The following SUPT3H variants were observed in gnomAD, a reference collection of about 807,000 sequenced individuals.
SUPT3H encodes the protein SPT3 homolog, SAGA and STAGA complex component.
In SUPT3H, 44 loss-of-function variants were observed where a neutral mutation model predicts 44.3. The ratio of observed to expected loss-of-function variants is 0.99; its 90% CI spans 0.78 to 1.28. SUPT3H has a LOEUF of 1.28. SUPT3H is among the 50% of genes most tolerant of loss of function. The pLI, the probability that SUPT3H is intolerant of heterozygous loss-of-function variation, is 0.00. For missense variants in SUPT3H, 380 were observed against 387.1 expected, an observed-to-expected ratio of 0.98 and a Z score of 0.15; for synonymous variants, 124 against 125.6, an observed-to-expected ratio of 0.99 and a Z score of 0.09.
downstream of SUPT3H, among the ~76,000 whole-genome samples, chr6:44,825,797 C>CCTAT (rs371810053): frequency 4.7e-4 from 71 of 151,904 alleles, no homozygotes; most frequent in African/African-American, 1.6e-3. Flanking sequence ...TTCTTTTTTT[C>CCTAT]CTATCTATCT....
At chr6:44,892,319 C>T (rs1012148877) in intron 10 of SUPT3H, among the ~76,000 whole-genome samples, 4 of 152,050 alleles carry the variant, frequency 2.6e-5, no homozygotes, top group African/African-American at 9.7e-5. Flanking sequence ...AGAGGGATCT[C>T]TCTCTCCACA....
At chr6:44,893,618 T>A (rs904360684) in intron 10 of SUPT3H, among the ~76,000 whole-genome samples, 3 of 152,010 alleles carry the variant, frequency 2.0e-5, no homozygotes, top group Non-Finnish European at 2.9e-5. Flanking sequence ...ATCCAGTCTA[T>A]CATTGTTGGA....
At chr6:44,987,061 A>C (rs71566510) in intron 6 of SUPT3H, among the ~76,000 whole-genome samples, 16 of 152,058 alleles carry the variant, frequency 1.1e-4, no homozygotes, top group Admixed American at 5.2e-4. Flanking sequence ...GTGCCAGCAC[A>C]CTCTGGTTCT....
chr6:45,109,884 T>G (rs1799798991), intron 2 of SUPT3H, among the ~76,000 whole-genome samples: 1 of 152,226 alleles, frequency 6.6e-6, no homozygotes, highest in African/African-American at 2.4e-5. Flanking sequence ...ATGTCTTGAC[T>G]GACTTATCCT....
At chr6:44,856,955 C>T (rs997635165) in intron 10 of SUPT3H, among the ~76,000 whole-genome samples, 8 of 152,160 alleles carry the variant, frequency 5.3e-5, no homozygotes, top group African/African-American at 1.4e-4. Flanking sequence ...TCGGTATTCA[C>T]GAGTATAGAA....
intron 2 of SUPT3H, among the ~76,000 whole-genome samples, chr6:45,248,206 A>C (rs6912047): frequency 0.12 from 18,184 of 149,024 alleles, 1,280 homozygotes; most frequent in African/African-American, 0.19. Context: ...ATATAATACC[A>C]AAACCATGAT....
At chr6:44,842,925 C>A (rs1771228118) in intron 10 of SUPT3H, among the ~76,000 whole-genome samples, 1 of 151,956 alleles carries the variant, frequency 6.6e-6, no homozygotes, top group South Asian at 2.1e-4. Flanking sequence ...CCCACGTCTA[C>A]TGACTTTTGA....
At chr6:45,160,277 C>T (rs1264056307) in intron 2 of SUPT3H, among the ~76,000 whole-genome samples, 1 of 152,032 alleles carries the variant, frequency 6.6e-6, no homozygotes, top group Non-Finnish European at 1.5e-5. Flanking sequence ...GTTAAAGTTT[C>T]TGGAATATTA....
chr6:45,140,810 G>A (rs573900695), intron 2 of SUPT3H, among the ~76,000 whole-genome samples: 10 of 152,174 alleles, frequency 6.6e-5, no homozygotes, highest in South Asian at 2.1e-4. Flanking sequence ...AGTAACAGTC[G>A]CTACAGTCTG....
At chr6:45,124,305 G>A (rs1802093265) in intron 2 of SUPT3H, among the ~76,000 whole-genome samples, 1 of 152,046 alleles carries the variant, frequency 6.6e-6, no homozygotes, top group African/African-American at 2.4e-5. Flanking sequence ...TGGAAAACAA[G>A]CAATCAACTT....
At chr6:45,096,360 G>A (rs751012361) in intron 3 of SUPT3H, among the ~76,000 whole-genome samples, 9 of 151,858 alleles carry the variant, frequency 5.9e-5, no homozygotes, top group East Asian at 1.9e-4. Flanking sequence ...TAGTAAAATC[G>A]AAAGCTTTAT....
chr6:45,173,041 G>C (rs1388834493), intron 2 of SUPT3H, among the ~76,000 whole-genome samples: 1 of 152,082 alleles, frequency 6.6e-6, no homozygotes, highest in Non-Finnish European at 1.5e-5. Flanking sequence ...AAAGCGTATA[G>C]ATTTCCAAGT....
chr6:45,224,681 G>A (rs1325399272), intron 2 of SUPT3H, among the ~76,000 whole-genome samples: 1 of 151,924 alleles, frequency 6.6e-6, no homozygotes, highest in Non-Finnish European at 1.5e-5. Context: ...TGGAGGCTGA[G>A]GCAGGAGAAT....
At chr6:45,141,621 G>A (rs1003873696) in intron 2 of SUPT3H, among the ~76,000 whole-genome samples, 2 of 146,104 alleles carry the variant, frequency 1.4e-5, no homozygotes, top group Non-Finnish European at 3.0e-5. Flanking sequence ...AGAGCATGAA[G>A]ACAAGGCTTT....
At chr6:44,850,642 G>A (rs1772706580) in intron 10 of SUPT3H, among the ~76,000 whole-genome samples, 1 of 152,092 alleles carries the variant, frequency 6.6e-6, no homozygotes, top group South Asian at 2.1e-4. Flanking sequence ...AGGAGTCTTG[G>A]AAGTTTATGA....
At chr6:44,982,856 C>A (rs114964699) in intron 6 of SUPT3H, among the ~76,000 whole-genome samples, 3,055 of 152,268 alleles carry the variant, frequency 0.02, 48 homozygotes, top group Non-Finnish European at 0.029. Context: ...AGGAAAAACA[C>A]CACTACTCTG....
chr6:45,045,028 C>T (rs955910544), intron 3 of SUPT3H, among the ~76,000 whole-genome samples: 2 of 152,062 alleles, frequency 1.3e-5, no homozygotes, highest in Non-Finnish European at 2.9e-5. Flanking sequence ...AAAAGAGTGA[C>T]CAACTCCATC....
downstream of SUPT3H, among the ~76,000 whole-genome samples, chr6:44,823,056 T>C (rs1471161685): frequency 6.7e-6 from 1 of 149,894 alleles, no homozygotes; most frequent in Non-Finnish European, 1.5e-5. Context: ...AGGCGGAGGT[T>C]CCTGTGAGCC....
At chr6:45,350,337 G>A (rs1050815708) in intron 2 of SUPT3H, among the ~76,000 whole-genome samples, 7 of 152,140 alleles carry the variant, frequency 4.6e-5, no homozygotes, top group African/African-American at 1.7e-4. Context: ...CCCAACAGGT[G>A]CTAGTCTAAA....
Sources: allele counts gnomAD v4.1 joint callset (sites outside exome capture counted in the v4.1 genomes callset), GRCh38; gene constraint gnomAD v4.1.1; transcripts MANE v1.5; gene names NCBI Gene and HGNC (gene_info 2026-07-23, HGNC 2026-07-21).